The following SLC38A12 variants were observed in gnomAD, a reference collection of about 807,000 sequenced individuals.
The protein encoded by SLC38A12 is solute carrier family 38 member 12, also known as putative sodium-coupled neutral amino acid transporter 12.
chr17:74,816,147 C>T, the SLC38A12 span, among the ~76,000 whole-genome samples: 1 of 152,202 alleles, frequency 6.6e-6, no homozygotes, highest in East Asian at 1.9e-4. Flanking sequence ...AACGGCTCCT[C>T]CCTGTCAGCC....
At chr17:74,825,650 G>A in the SLC38A12 span, among the ~76,000 whole-genome samples, 1 of 152,222 alleles carries the variant, frequency 6.6e-6, no homozygotes, top group South Asian at 2.1e-4. Flanking sequence ...GGCAGATCCA[G>A]CTACCAGACA....
At chr17:74,816,359 G>A in the SLC38A12 span, among the ~76,000 whole-genome samples, 1 of 152,206 alleles carries the variant, frequency 6.6e-6, no homozygotes, top group African/African-American at 2.4e-5. Flanking sequence ...CTGGAAGTCT[G>A]GAGCCTGGGC....
At chr17:74,790,833 G>T in the SLC38A12 span, 11 of 698,500 alleles carry the variant, frequency 1.6e-5, no homozygotes, top group Non-Finnish European at 2.6e-5. Context: ...ATTAGGAAAA[G>T]TTTTCTCGAG....
the SLC38A12 span, chr17:74,838,625 G>A: frequency 7.4e-7 from 1 of 1,351,498 alleles, no homozygotes; most frequent in Non-Finnish European, 9.6e-7. Context: ...ATGCCAAGTG[G>A]GGACCCTCAC....
the SLC38A12 span, among the ~76,000 whole-genome samples, chr17:74,828,613 T>G: frequency 1.3e-5 from 2 of 152,106 alleles, no homozygotes; most frequent in Non-Finnish European, 2.9e-5. Flanking sequence ...GATGTCCCTC[T>G]GATGGTGGCC....
At chr17:74,781,180 C>A in the SLC38A12 span, among the ~76,000 whole-genome samples, 1 of 152,252 alleles carries the variant, frequency 6.6e-6, no homozygotes, top group Non-Finnish European at 1.5e-5. Flanking sequence ...AGCTGAGAAA[C>A]CCTGATCCAC....
the SLC38A12 span, among the ~76,000 whole-genome samples, chr17:74,794,580 T>C: frequency 6.6e-6 from 1 of 152,154 alleles, no homozygotes; most frequent in African/African-American, 2.4e-5. Flanking sequence ...TTGCTTCAAC[T>C]CTTTAGTAGC....
the SLC38A12 span, among the ~76,000 whole-genome samples, chr17:74,779,658 C>T: frequency 6.6e-6 from 1 of 152,208 alleles, no homozygotes; most frequent in Non-Finnish European, 1.5e-5. Context: ...AGTTCCCCTG[C>T]AGGCCCCAGC....
chr17:74,812,527 A>G, the SLC38A12 span, among the ~76,000 whole-genome samples: 1 of 152,024 alleles, frequency 6.6e-6, no homozygotes, highest in Non-Finnish European at 1.5e-5. Context: ...AGTTGCCATT[A>G]ACCCCAATTA....
the SLC38A12 span, chr17:74,785,342 CCTGTCCTG>C: frequency 7.9e-7 from 1 of 1,260,550 alleles, no homozygotes; most frequent in Non-Finnish European, 1.1e-6. Context: ...GTGTAATTCT[CCTGTCCTG>C]CCTCCTTCCC....
chr17:74,778,274 C>T, the SLC38A12 span, among the ~76,000 whole-genome samples: 12 of 152,220 alleles, frequency 7.9e-5, no homozygotes, highest in African/African-American at 2.9e-4. Context: ...TCACAGGGCC[C>T]TCTTGCCTGG....
the SLC38A12 span, chr17:74,777,677 T>C: frequency 1.4e-5 from 18 of 1,280,110 alleles, no homozygotes; most frequent in South Asian, 3.7e-5. Context: ...CCCAGCACTT[T>C]GGGAGGCTGA....
chr17:74,802,564 C>T, the SLC38A12 span, among the ~76,000 whole-genome samples: 1 of 152,328 alleles, frequency 6.6e-6, no homozygotes, highest in Middle Eastern at 3.4e-3. Context: ...GTAGAATGTG[C>T]AGGTTGGGTA....
the SLC38A12 span, among the ~76,000 whole-genome samples, chr17:74,787,178 G>T: frequency 6.6e-6 from 1 of 152,300 alleles, no homozygotes; most frequent in East Asian, 1.9e-4. Context: ...CCCAGAGTGG[G>T]AGTGAGTGTG....
At chr17:74,786,551 G>T in the SLC38A12 span, among the ~76,000 whole-genome samples, 19 of 152,208 alleles carry the variant, frequency 1.2e-4, no homozygotes, top group Non-Finnish European at 2.2e-4. Context: ...TGTGGAAAGA[G>T]GAAGGCGTAA....
At chr17:74,809,330 C>G in the SLC38A12 span, among the ~76,000 whole-genome samples, 3 of 152,122 alleles carry the variant, frequency 2.0e-5, no homozygotes, top group Non-Finnish European at 4.4e-5. Flanking sequence ...ACAGCAAACC[C>G]AAGAACTGCC....
chr17:74,811,814 T>C, the SLC38A12 span, among the ~76,000 whole-genome samples: 7 of 152,100 alleles, frequency 4.6e-5, no homozygotes, highest in African/African-American at 1.7e-4. Flanking sequence ...GGAGGATCAC[T>C]TGAGGCCAGG....
the SLC38A12 span, among the ~76,000 whole-genome samples, chr17:74,810,132 T>C: frequency 5.9e-5 from 9 of 152,206 alleles, no homozygotes; most frequent in African/African-American, 2.2e-4. Flanking sequence ...GAGCTGTAGA[T>C]CTTCCGTCTC....
At chr17:74,810,160 A>G in the SLC38A12 span, among the ~76,000 whole-genome samples, 1 of 152,206 alleles carries the variant, frequency 6.6e-6, no homozygotes, top group Non-Finnish European at 1.5e-5. Flanking sequence ...ACGCATTCAG[A>G]ACGAGGCTGC....
Sources: gnomAD v4.1 joint callset for allele counts (sites outside exome capture counted in the v4.1 genomes callset) on GRCh38, gnomAD v4.1.1 for gene constraint, MANE v1.5 for transcripts, NCBI Gene and HGNC (gene_info 2026-07-23, HGNC 2026-07-21) for gene names.